ABCG1: variants seen among roughly 807,000 people sequenced by gnomAD.
ABCG1 encodes the protein ATP-binding cassette sub-family G member 1.
Under a neutral mutation model 69.2 loss-of-function variants are expected in ABCG1, and 29 were observed. That is an observed-to-expected ratio of 0.42 (90% CI 0.31 to 0.57). The LOEUF is 0.57. ABCG1 is among the 20% of genes least tolerant of loss of function. The pLI, the probability that ABCG1 is intolerant of heterozygous loss-of-function variation, is 0.15. For synonymous variants in ABCG1, 370 were observed against 374.8 expected (o/e 0.99, Z 0.15); for missense variants, 718 against 898.1 (o/e 0.80, Z 2.56).
At chr21:42,277,461 T>C (rs2068731420) in intron 5 of ABCG1, among the ~76,000 whole-genome samples, 1 of 148,062 alleles carries the variant, frequency 6.8e-6, no homozygotes, top group Non-Finnish European at 1.5e-5. Flanking sequence ...TTCTAATCCC[T>C]TTAGCCATTT....
At chr21:42,284,835 A>G (rs137975559) in intron 7 of ABCG1, 152 bp downstream of exon 7, 17 of 1,005,500 alleles carry the variant, frequency 1.7e-5, no homozygotes, top group African/African-American at 1.6e-4. Flanking sequence ...CTGTTAGCTC[A>G]TGGGGCATCT....
chr21:42,274,121 C>T (rs996776584), intron 4 of ABCG1, among the ~76,000 whole-genome samples: 5 of 152,238 alleles, frequency 3.3e-5, no homozygotes, highest in Admixed American at 6.5e-5. Flanking sequence ...TGCCGTGCAC[C>T]TGCTTTATCC....
Position 42,225,713 on chromosome 21 carries a change from G to A in ABCG1, c.85G>A (p.Val29Met). Reference sequence around the variant, plus strand: ...TGCAGAGATGACGGAGCCCAAGTCGGTGTGTGTCTCGGTGGATGAGGTGGT... The same window carrying A: ...TGCAGAGATGACGGAGCCCAAGTCGATGTGTGTCTCGGTGGATGAGGTGGT... ...YSAEMTEPKS[V>M]CVSVDEVVSS... is the part of the protein sequence containing the mutation. The change falls in exon 2 of 15, where the codon GTG becomes ATG. Residue 29 changes from valine to methionine, a missense_variant. This residue lies in a region of ABCG1 where 514 missense variants were observed against 574.3 expected (regional missense o/e 0.90). Transcript: ENST00000398449. 1 of 1,613,918 alleles carries A rather than the reference G, an allele frequency of 6.2e-7. No homozygotes were observed. Among genetic ancestry groups the A allele is most frequent in the Non-Finnish European group, 8.5e-7 (1 of 1,180,010 alleles).
At chr21:42,272,819 G>A (rs1385451415) in intron 3 of ABCG1, among the ~76,000 whole-genome samples, 5 of 152,180 alleles carry the variant, frequency 3.3e-5, no homozygotes, top group Non-Finnish European at 7.3e-5. Context: ...GAGCTGGTCC[G>A]GGCCCCAGGC....
intron 2 of ABCG1, among the ~76,000 whole-genome samples, chr21:42,247,268 G>T (rs111415793): frequency 0.028 from 4,293 of 152,306 alleles, 121 homozygotes; most frequent in Middle Eastern, 0.054. Context: ...AGTAAAGATA[G>T]CATGTCCCTC....
chr21:42,201,711 G>C (rs2067507820), exon 2 of ABCG1: 1 of 1,613,922 alleles, frequency 6.2e-7, no homozygotes, highest in South Asian at 1.1e-5. Flanking sequence ...AACAGAGAAA[G>C]CCCTGCCCTC....
chr21:42,286,028 A>G lies in ABCG1; in HGVS notation c.973+34A>G. 2.0e-6 allele frequency: 3 copies of G among 1,477,448 alleles called. No individual in the cohort carries two copies. The South Asian group carries it at 3.4e-5, about 17-fold the overall frequency. The allele number at this position is 1,477,448 out of a possible 1,614,324, so 91.5% of individuals were successfully genotyped here. A position where few individuals can be genotyped will look rare whatever the true frequency, so the allele number is the denominator to read the frequency against. On this transcript the variant is annotated intron_variant, in intron 8 of 14. Coordinates refer to ENST00000398449, the MANE Select transcript of ABCG1 (RefSeq NM_016818.3). ...AGTCCTGAGCAGCTCGGGGGACAGA[A>G]AGGGGATTTTCCTCCTCTGTGGGTC...
At chr21:42,250,519 G>T in intron 2 of ABCG1, among the ~76,000 whole-genome samples, 1 of 152,194 alleles carries the variant, frequency 6.6e-6, no homozygotes, top group Non-Finnish European at 1.5e-5. Context: ...TAGCCTGTTG[G>T]AAGAGAGCCC....
intron 5 of ABCG1, among the ~76,000 whole-genome samples, chr21:42,280,140 G>A (rs2068781282): frequency 6.6e-6 from 1 of 152,212 alleles, no homozygotes; most frequent in Admixed American, 6.5e-5. Context: ...AGACCCAGCT[G>A]TTCCTCAGCC....
intron 2 of ABCG1, among the ~76,000 whole-genome samples, chr21:42,243,489 T>TGTGTGTGTGC (rs992407170): frequency 7.2e-6 from 1 of 139,784 alleles, no homozygotes; most frequent in Non-Finnish European, 1.5e-5. Context: ...TGTGTGTGTG[T>TGTGTGTGTGC]GCGCTGGTTT....
intron 2 of ABCG1, chr21:42,256,280 A>G (rs961514752): frequency 1.1e-5 from 16 of 1,516,428 alleles, no homozygotes; most frequent in East Asian, 2.5e-5. Flanking sequence ...CCCTCCCGCC[A>G]GGAGGTGGTC....
intron 4 of ABCG1, among the ~76,000 whole-genome samples, chr21:42,274,395 C>G (rs2068672514): frequency 3.3e-5 from 5 of 151,622 alleles, no homozygotes; most frequent in Admixed American, 3.3e-4. Context: ...TATCCTCTGC[C>G]TGGGTTTCTG....
At chr21:42,207,285 G>T (rs1283997925) in intron 2 of ABCG1, among the ~76,000 whole-genome samples, 1 of 151,966 alleles carries the variant, frequency 6.6e-6, no homozygotes, top group Non-Finnish European at 1.5e-5. Context: ...GTTTTTCTCT[G>T]TTGTTCAGAT....
intron 2 of ABCG1, among the ~76,000 whole-genome samples, chr21:42,231,803 G>A (rs1029663182): frequency 2.6e-5 from 4 of 152,248 alleles, no homozygotes; most frequent in African/African-American, 7.2e-5. Flanking sequence ...AGTTACTTTT[G>A]TGCTTCTTTG....
chr21:42,221,746 G>A (rs769411512), intron 1 of ABCG1, among the ~76,000 whole-genome samples: 28 of 152,190 alleles, frequency 1.8e-4, no homozygotes, highest in Non-Finnish European at 3.5e-4. Context: ...AGACAGCTGC[G>A]TGCTAACTGT....
chr21:42,288,248 C>T lies in ABCG1; in HGVS notation c.1160C>T (p.Ala387Val), dbSNP rs1448345605. The T allele has an allele frequency of 6.2e-7, 1 of 1,614,060 alleles. No homozygotes were observed. The highest frequency in any genetic ancestry group is 1.3e-5 in the African/African-American group (1 of 74,928). The change falls in exon 10 of 15, where the codon GCC (alanine) becomes GTC (valine). Residue 387 changes from alanine to valine, a missense_variant. Ala to Val is a moderately conservative substitution (Grantham distance 64). This residue lies in a region of ABCG1 where 514 missense variants were observed against 574.3 expected (regional missense o/e 0.90). Transcript: ENST00000398449. The surrounding 1 kb of genome is among the most constrained non-coding windows in gnomAD (Gnocchi z 4.8). ...SSMEGCHSFS[A>V]SCLTQFCILF... ...ATGGAAGGCTGCCACAGCTTCTCTG[C>T]CAGCTGCCTCACGCAGTTCTGCATC...
At chr21:42,281,002 G>T (rs1057290609) in intron 5 of ABCG1, among the ~76,000 whole-genome samples, 7 of 152,270 alleles carry the variant, frequency 4.6e-5, no homozygotes, top group African/African-American at 7.2e-5. Flanking sequence ...TGGGGTGAGG[G>T]CATCAGCAAG....
At chr21:42,256,847 G>C (rs913303182) in intron 2 of ABCG1, among the ~76,000 whole-genome samples, 4 of 152,226 alleles carry the variant, frequency 2.6e-5, no homozygotes, top group African/African-American at 9.6e-5. Context: ...ACCCAGTCAG[G>C]ATTCTTAATT....
At chr21:42,208,643 T>C (rs532239972) in intron 2 of ABCG1, among the ~76,000 whole-genome samples, 2 of 152,336 alleles carry the variant, frequency 1.3e-5, no homozygotes, top group South Asian at 4.1e-4. Context: ...GGATCCTTTT[T>C]CGGGGCTTTA....
Sources: allele counts gnomAD v4.1 joint callset (sites outside exome capture counted in the v4.1 genomes callset), GRCh38; gene constraint gnomAD v4.1.1; regional missense constraint gnomAD v4.1.1; non-coding constraint Gnocchi (gnomAD v3.1); transcripts MANE v1.5; gene names NCBI Gene and HGNC (gene_info 2026-07-23, HGNC 2026-07-21).